NEDD4L: variants seen among roughly 807,000 people sequenced by gnomAD.
The protein encoded by NEDD4L is NEDD4 like E3 ubiquitin protein ligase.
Under a neutral mutation model 148.9 loss-of-function variants are expected in NEDD4L, and 54 were observed. That is an observed-to-expected ratio of 0.36 (90% CI 0.29 to 0.45). NEDD4L has a LOEUF of 0.45. Ranked by LOEUF, NEDD4L falls within the 20% of genes least tolerant of loss-of-function variation. NEDD4L has a pLI of 1.00. For missense variants in NEDD4L, 856 were observed against 1,233.8 expected, an observed-to-expected ratio of 0.69 and a Z score of 4.59; for synonymous variants, 433 against 440.7, an observed-to-expected ratio of 0.98 and a Z score of 0.22.
intron 1 of NEDD4L, among the ~76,000 whole-genome samples, chr18:58,113,337 CT>C (rs1479505099): frequency 6.6e-6 from 1 of 152,138 alleles, no homozygotes; most frequent in Non-Finnish European, 1.5e-5. Flanking sequence ...GGAAATATAC[CT>C]TTATTGAATC....
intron 5 of NEDD4L, 75 bp downstream of exon 5, chr18:58,252,129 T>G: frequency 1.0e-6 from 1 of 952,480 alleles, no homozygotes; most frequent in Non-Finnish European, 1.7e-6. Flanking sequence ...TCTTTAAAAC[T>G]CTGTGTTTAT....
chr18:58,148,318 C>G (rs1599108433), intron 1 of NEDD4L, among the ~76,000 whole-genome samples: 1 of 149,808 alleles, frequency 6.7e-6, no homozygotes, highest in East Asian at 2.0e-4. Context: ...GGCACATGCA[C>G]TGTGTCTGGC....
At chr18:58,335,446 T>C (rs1338396512) in intron 12 of NEDD4L, 32 bp from the exon 13 acceptor site, 1 of 1,589,628 alleles carries the variant, frequency 6.3e-7, no homozygotes, top group East Asian at 2.2e-5. Context: ...ATCCCCTAAG[T>C]GCATTTCACT....
chr18:58,070,561 A>G (rs1452073515), intron 1 of NEDD4L, among the ~76,000 whole-genome samples: 2 of 152,128 alleles, frequency 1.3e-5, no homozygotes, highest in Non-Finnish European at 2.9e-5. Flanking sequence ...CTGGGAATCT[A>G]GAAGGCTCTG....
At chr18:58,093,990 G>C (rs1599223617) in intron 1 of NEDD4L, among the ~76,000 whole-genome samples, 2 of 152,102 alleles carry the variant, frequency 1.3e-5, no homozygotes, top group South Asian at 4.1e-4. Context: ...CCTGAAGCCT[G>C]ACTCCTTTCT....
In NEDD4L at chr18:58,044,445, T is replaced by C; in HGVS notation, c.-216T>C. On this transcript the variant is annotated 5_prime_UTR_variant, in exon 1 of 31. Coordinates refer to ENST00000400345, the MANE Select transcript of NEDD4L (RefSeq NM_001144967.3). ...GCGCTCTCGGGAGCCGCCCGCCCGC[T>C]GGTCCCGCAGCCTTCCGGGAGGAAG... 2.2e-6 allele frequency: 1 copy of C among 457,040 alleles called. No homozygotes were observed. Among genetic ancestry groups the C allele is most frequent in the Non-Finnish European group, 3.4e-6 (1 of 298,020 alleles). 28.3% of individuals were successfully genotyped at this position (457,040 alleles called of 1,614,324 possible).
At chr18:58,162,252 G>A (rs538752595) in intron 1 of NEDD4L, among the ~76,000 whole-genome samples, 29 of 152,092 alleles carry the variant, frequency 1.9e-4, no homozygotes, top group African/African-American at 6.3e-4. Flanking sequence ...CCCAGTGGTC[G>A]GGATAATGTT....
intron 1 of NEDD4L, among the ~76,000 whole-genome samples, chr18:58,109,907 T>C (rs2085316426): frequency 6.6e-6 from 1 of 152,138 alleles, no homozygotes. Flanking sequence ...TTTGATGATA[T>C]TTACAGTTTT....
intron 2 of NEDD4L, chr18:58,190,042 C>A (rs1043512622): frequency 1.3e-5 from 2 of 152,144 alleles, no homozygotes; most frequent in African/African-American, 2.4e-5. Flanking sequence ...TTAGAAAAGA[C>A]TGGAGAGGGT....
At chr18:58,283,099 T>A (rs901621462) in intron 5 of NEDD4L, among the ~76,000 whole-genome samples, 1 of 151,776 alleles carries the variant, frequency 6.6e-6, no homozygotes, top group East Asian at 1.9e-4. Context: ...ATTTAGAGAC[T>A]GTGTCTCGCT....
At chr18:58,314,941 T>G (rs473197) in intron 5 of NEDD4L, among the ~76,000 whole-genome samples, 1 of 152,184 alleles carries the variant, frequency 6.6e-6, no homozygotes, top group South Asian at 2.1e-4. Flanking sequence ...CAAGTACACT[T>G]GAAAAATAGC....
At chr18:58,294,134 G>A (rs1158958499) in intron 5 of NEDD4L, among the ~76,000 whole-genome samples, 5 of 152,140 alleles carry the variant, frequency 3.3e-5, no homozygotes, top group Non-Finnish European at 7.3e-5. Flanking sequence ...TGGGAAATCT[G>A]ATAAGGAATC....
At chr18:58,105,360 A>G (rs1787776) in intron 1 of NEDD4L, among the ~76,000 whole-genome samples, 38,360 of 152,062 alleles carry the variant, frequency 0.25, 5,119 homozygotes, top group African/African-American at 0.32. Flanking sequence ...TGCTTGCATG[A>G]CAGTTGGGTT....
intron 1 of NEDD4L, among the ~76,000 whole-genome samples, chr18:58,093,641 C>T (rs747927850): frequency 2.6e-5 from 4 of 152,114 alleles, no homozygotes; most frequent in African/African-American, 9.7e-5. Context: ...AAGTGCGATA[C>T]AGTTGGTGGT....
rs1260675005 is a variant in NEDD4L, at chr18:58,256,969, A to G, written c.297+4915A>G. 1.3e-5 allele frequency among the ~76,000 whole-genome samples: 2 copies of G among 152,168 alleles called. No individual in the cohort carries two copies. Among genetic ancestry groups the G allele is most frequent in the East Asian group, 3.9e-4 (2 of 5,194 alleles). ...GGTGCGCAAAACACCATTTCTGCAAATGTCTTCTGTAGGTCCTCAAAGTCA... is the reference window on the plus strand; with the variant it reads ...GGTGCGCAAAACACCATTTCTGCAAGTGTCTTCTGTAGGTCCTCAAAGTCA... On this transcript the variant is annotated intron_variant, in intron 5 of 30. Coordinates refer to ENST00000400345, the MANE Select transcript of NEDD4L (RefSeq NM_001144967.3). The surrounding 1 kb of genome is among the most constrained non-coding windows in gnomAD (Gnocchi z 5.2).
intron 24 of NEDD4L, among the ~76,000 whole-genome samples, chr18:58,375,323 C>G (rs190416068): frequency 1.4e-4 from 22 of 152,126 alleles, no homozygotes; most frequent in South Asian, 1.0e-3. Flanking sequence ...CTAGTGCCTA[C>G]CCTGTTCTCC....
chr18:58,341,292 C>A (rs1181888930), intron 14 of NEDD4L, 123 bp downstream of exon 14: 3 of 1,115,904 alleles, frequency 2.7e-6, no homozygotes, highest in African/African-American at 1.6e-5. Context: ...AGCTTTCTCA[C>A]AAAGAAAATG....
rs2082668713 is a variant in NEDD4L, at chr18:58,067,665, G to A, written c.48+22957G>A. On this transcript the variant is annotated intron_variant, in intron 1 of 30. Coordinates refer to ENST00000400345, the MANE Select transcript of NEDD4L (RefSeq NM_001144967.3). ...ACTTTGCCACACTTTTAGTGCTCCTGTAGCTGCACACATGTTGTTCTTTGT... is the reference window on the plus strand; with the variant it reads ...ACTTTGCCACACTTTTAGTGCTCCTATAGCTGCACACATGTTGTTCTTTGT... Among the ~76,000 whole-genome samples, 6 of 152,216 alleles carry A rather than the reference G, an allele frequency of 3.9e-5. No individual in the cohort carries two copies. In the South Asian group the frequency reaches 1.2e-3, roughly 32 times the overall value.
In NEDD4L at chr18:58,382,222, G is replaced by A. The variant is rs117243665; in HGVS notation, c.2353-1024G>A. 7.2e-3 allele frequency among the ~76,000 whole-genome samples: 1,095 copies of A among 152,314 alleles called. 10 individuals carry two copies. Among genetic ancestry groups the A allele is most frequent in the Middle Eastern group, 0.017 (5 of 294 alleles). Reference sequence around the variant, plus strand: ...GAGAGACCCAGGTGTGAGTGCTCGGGTCAGAGGGGCTCAGGATCTCCTGGG... The same window carrying A: ...GAGAGACCCAGGTGTGAGTGCTCGGATCAGAGGGGCTCAGGATCTCCTGGG... On this transcript the variant is annotated intron_variant, in intron 24 of 30. Coordinates refer to ENST00000400345, the MANE Select transcript of NEDD4L (RefSeq NM_001144967.3).
Sources: gnomAD v4.1 joint callset for allele counts (sites outside exome capture counted in the v4.1 genomes callset) on GRCh38, gnomAD v4.1.1 for gene constraint, Gnocchi (gnomAD v3.1) non-coding constraint, MANE v1.5 for transcripts, NCBI Gene and HGNC (gene_info 2026-07-23, HGNC 2026-07-21) for gene names.